KIF13B: variants seen among roughly 807,000 people sequenced by gnomAD.
KIF13B encodes the protein kinesin family member 13B.
KIF13B carries 127 observed loss-of-function variants against 222.0 expected under a neutral mutation model. That is an observed-to-expected ratio of 0.57 (90% confidence interval 0.50 to 0.66). The LOEUF (loss-of-function observed/expected upper bound fraction) is 0.66, where lower values mean the gene tolerates loss of function less well. Among genes scored for constraint, KIF13B ranks in the 30% least tolerant of loss-of-function variants. KIF13B has a pLI of 0.00. For missense variants in KIF13B, 2,173 were observed against 2,379.0 expected, an observed-to-expected ratio of 0.91 and a Z score of 1.80; for synonymous variants, 976 against 919.0, an observed-to-expected ratio of 1.06 and a Z score of -1.12.
chr8:29,131,852 C>T (rs558111020), intron 23 of KIF13B, among the ~76,000 whole-genome samples: 1 of 152,184 alleles, frequency 6.6e-6, no homozygotes, highest in Non-Finnish European at 1.5e-5. Flanking sequence ...GTGATTAATA[C>T]CCTGGAGACA....
chr8:29,204,128 T>C (rs1397050201), intron 2 of KIF13B, among the ~76,000 whole-genome samples: 1 of 152,110 alleles, frequency 6.6e-6, no homozygotes, highest in African/African-American at 2.4e-5. Context: ...GACAACCCCA[T>C]TCTATTCGAA....
intron 22 of KIF13B, among the ~76,000 whole-genome samples, chr8:29,133,680 C>T (rs1006554494): frequency 1.3e-5 from 2 of 152,190 alleles, no homozygotes; most frequent in Admixed American, 1.3e-4. Flanking sequence ...AAGAGCTTTA[C>T]AGAGCATTCG....
At chr8:29,221,479 A>G (rs1814750293) in intron 2 of KIF13B, among the ~76,000 whole-genome samples, 1 of 151,994 alleles carries the variant, frequency 6.6e-6, no homozygotes, top group East Asian at 1.9e-4. Flanking sequence ...AAAAAAAAAA[A>G]AGGAAAGAAA....
chr8:29,222,218 T>G (rs1586946587), intron 2 of KIF13B, among the ~76,000 whole-genome samples: 1 of 152,002 alleles, frequency 6.6e-6, no homozygotes, highest in African/African-American at 2.4e-5. Context: ...GGTCATGGTG[T>G]TGTGTGCCTG....
chr8:29,229,535 G>A (rs955421829), intron 2 of KIF13B, among the ~76,000 whole-genome samples: 1 of 152,168 alleles, frequency 6.6e-6, no homozygotes, highest in Non-Finnish European at 1.5e-5. Context: ...ATAAATGCTG[G>A]TTGTCATCAA....
At chr8:29,256,851 T>C (rs951882780) in intron 1 of KIF13B, among the ~76,000 whole-genome samples, 2 of 152,170 alleles carry the variant, frequency 1.3e-5, no homozygotes, top group African/African-American at 4.8e-5. Context: ...GCCTTCCAGG[T>C]TGAAGCGATT....
intron 38 of KIF13B, among the ~76,000 whole-genome samples, chr8:29,072,638 A>G (rs1429050035): frequency 2.0e-5 from 3 of 152,204 alleles, no homozygotes; most frequent in Non-Finnish European, 4.4e-5. Flanking sequence ...TGAGGGGCCG[A>G]CAGTGCACCC....
intron 38 of KIF13B, among the ~76,000 whole-genome samples, chr8:29,074,822 C>T (rs957270831): frequency 6.6e-6 from 1 of 152,126 alleles, no homozygotes; most frequent in Non-Finnish European, 1.5e-5. Flanking sequence ...AGAATGAAAG[C>T]GCAGTGGGAG....
chr8:29,115,033 T>C, intron 31 of KIF13B, among the ~76,000 whole-genome samples: 1 of 152,204 alleles, frequency 6.6e-6, no homozygotes, highest in African/African-American at 2.4e-5. Flanking sequence ...ATTTTATTGA[T>C]GTTGGATTGC....
chr8:29,128,741 T>A (rs1177788473), intron 24 of KIF13B, among the ~76,000 whole-genome samples: 1 of 152,208 alleles, frequency 6.6e-6, no homozygotes, highest in Non-Finnish European at 1.5e-5. Flanking sequence ...GAAAAACGTT[T>A]AAAAGTACAC....
intron 1 of KIF13B, among the ~76,000 whole-genome samples, chr8:29,254,135 C>G (rs1163833598): frequency 1.3e-5 from 2 of 152,146 alleles, no homozygotes; most frequent in Non-Finnish European, 2.9e-5. Context: ...AACTGGATAT[C>G]CACATGCCAA....
At chr8:29,255,661 C>T (rs1397650227) in intron 1 of KIF13B, among the ~76,000 whole-genome samples, 2 of 152,086 alleles carry the variant, frequency 1.3e-5, no homozygotes, top group Non-Finnish European at 2.9e-5. Flanking sequence ...TCTTGAGACT[C>T]GCTGCCTCCA....
At chr8:29,254,637 T>C (rs1333918672) in intron 1 of KIF13B, among the ~76,000 whole-genome samples, 2 of 152,276 alleles carry the variant, frequency 1.3e-5, no homozygotes, top group East Asian at 1.9e-4. Context: ...GCAATACTCA[T>C]GGAGAGAGAC....
intron 37 of KIF13B, among the ~76,000 whole-genome samples, chr8:29,087,238 T>C (rs1240193536): frequency 3.3e-5 from 5 of 152,358 alleles, no homozygotes; most frequent in South Asian, 2.1e-4. Context: ...ATGAAATGTG[T>C]TGGTCTGTCA....
At chr8:29,191,417 A>AT (rs1440144708) in intron 3 of KIF13B, among the ~76,000 whole-genome samples, 1 of 152,218 alleles carries the variant, frequency 6.6e-6, no homozygotes, top group Non-Finnish European at 1.5e-5. Flanking sequence ...AGAAAAAGAT[A>AT]TTTTTTAAAT....
chr8:29,141,298 C>T (rs574322209), intron 19 of KIF13B, among the ~76,000 whole-genome samples: 9 of 151,592 alleles, frequency 5.9e-5, no homozygotes, highest in African/African-American at 1.9e-4. Context: ...CGTGCCACTG[C>T]ACTCCAGCCT....
chr8:29,085,419 G>A (rs1183525908), intron 37 of KIF13B, among the ~76,000 whole-genome samples: 13 of 152,190 alleles, frequency 8.5e-5, no homozygotes, highest in Admixed American at 6.5e-5. Context: ...GGAATGACTG[G>A]TAAAAACAGG....
chr8:29,122,909 A>C (rs1809940718), intron 28 of KIF13B, among the ~76,000 whole-genome samples: 1 of 152,224 alleles, frequency 6.6e-6, no homozygotes, highest in South Asian at 2.1e-4. Flanking sequence ...CTTTCTTATA[A>C]AATGATATAC....
At chr8:29,085,556 A>C (rs1808005690) in intron 37 of KIF13B, among the ~76,000 whole-genome samples, 1 of 151,410 alleles carries the variant, frequency 6.6e-6, no homozygotes, top group African/African-American at 2.4e-5. Context: ...TTTTTAGTAG[A>C]GACAGGGGTC....
Sources: gnomAD v4.1 joint callset for allele counts (sites outside exome capture counted in the v4.1 genomes callset) on GRCh38, gnomAD v4.1.1 for gene constraint, MANE v1.5 for transcripts, NCBI Gene and HGNC (gene_info 2026-07-23, HGNC 2026-07-21) for gene names.